The following ABCA12 variants were observed in gnomAD, a reference collection of about 807,000 sequenced individuals.
ABCA12 encodes the protein glucosylceramide transporter ABCA12.
In ABCA12, 156 loss-of-function variants were observed where a neutral mutation model predicts 293.5. The observed-to-expected ratio is 0.53, with a 90% CI of 0.47 to 0.61. The LOEUF (loss-of-function observed/expected upper bound fraction) is 0.61. ABCA12 is among the 20% of genes least tolerant of loss of function. The probability of loss-of-function intolerance (pLI) is 0.00; values close to 1 mark genes in which losing one functional copy is unlikely to be tolerated. For missense variants in ABCA12, 2,797 were observed against 3,090.2 expected (o/e 0.91, Z 2.25); for synonymous variants, 1,063 against 1,108.0 (o/e 0.96, Z 0.81).
At chr2:215,031,332 GCT>G (rs1700872259) in intron 9 of ABCA12, among the ~76,000 whole-genome samples, 1 of 152,156 alleles carries the variant, frequency 6.6e-6, no homozygotes, top group Admixed American at 6.5e-5. Context: ...AAAATTAGAG[GCT>G]GCTATGGTAT....
At chr2:214,979,888 T>C (rs1574958318) in intron 31 of ABCA12, among the ~76,000 whole-genome samples, 1 of 152,214 alleles carries the variant, frequency 6.6e-6, no homozygotes, top group Non-Finnish European at 1.5e-5. Flanking sequence ...ATATACATCT[T>C]GCACAGTATT....
In ABCA12 at chr2:214,932,678, A is replaced by T; in HGVS notation, c.7744T>A (p.Ser2582Thr). Residue 2582 changes from serine to threonine, a missense_variant, in exon 53 of 53, where the codon TCC becomes ACC. Physicochemically the swap from Ser to Thr is moderately conservative, Grantham distance 58 (BLOSUM62 1). Transcript: ENST00000272895. The stretch of plus-strand genomic sequence containing the variant: ...TCTTGTGAGTCAACACTTATAGTGG[A>T]ACCTTGGCTGCTGGTATCAGCAGTT... ...YETADTSSQG[S>T]TISVDSQDDQ... 1 of 1,613,666 alleles carries T rather than the reference A, an allele frequency of 6.2e-7. No individual in the cohort carries two copies. The highest frequency in any genetic ancestry group is 8.5e-7 in the Non-Finnish European group (1 of 1,179,764).
intron 10 of ABCA12, among the ~76,000 whole-genome samples, chr2:215,026,144 A>C: frequency 6.6e-6 from 1 of 152,212 alleles, no homozygotes; most frequent in East Asian, 1.9e-4. Context: ...TCCAACCTTG[A>C]TTAATTCATA....
chr2:214,989,955 A>G (rs529568853), intron 24 of ABCA12, among the ~76,000 whole-genome samples: 404 of 152,350 alleles, frequency 2.7e-3, no homozygotes, highest in Admixed American at 4.7e-3. Context: ...AAATTTACCA[A>G]AAATGTTAAG....
chr2:214,981,314 T>C (rs1053456285), intron 30 of ABCA12, among the ~76,000 whole-genome samples: 12 of 152,292 alleles, frequency 7.9e-5, no homozygotes, highest in African/African-American at 1.4e-4. Context: ...TCTCTTCCCC[T>C]TTCTTCATTA....
At chr2:214,974,928 T>C (rs1574954210) in intron 34 of ABCA12, 64 bp from the exon 35 acceptor site, 2 of 1,405,648 alleles carry the variant, frequency 1.4e-6, no homozygotes, top group Non-Finnish European at 2.0e-6. Context: ...ATTAAAATCA[T>C]GCTTGAAGAA....
chr2:215,111,507 A>G (rs934516106), intron 2 of ABCA12, 90 bp downstream of exon 2: 1 of 1,045,514 alleles, frequency 9.6e-7, no homozygotes, highest in Non-Finnish European at 1.5e-6. Context: ...TACAAAAAAA[A>G]ATTTTTGAAA....
At chr2:214,956,901 T>C (rs1410673054) in intron 41 of ABCA12, 123 bp from the exon 42 acceptor site, 8 of 687,070 alleles carry the variant, frequency 1.2e-5, no homozygotes, top group Non-Finnish European at 1.8e-5. Flanking sequence ...AGAAATGAAT[T>C]CTTATTTATG....
intron 5 of ABCA12, among the ~76,000 whole-genome samples, chr2:215,050,330 C>A (rs1701295561): frequency 7.4e-6 from 1 of 135,678 alleles, no homozygotes; most frequent in Admixed American, 6.9e-5. Context: ...GTTCTTCCAT[C>A]TAAGTCTTAT....
chr2:215,102,052 T>C (rs145990875), intron 2 of ABCA12, among the ~76,000 whole-genome samples: 2 of 152,180 alleles, frequency 1.3e-5, no homozygotes, highest in Non-Finnish European at 2.9e-5. Context: ...TGTGTGCCTA[T>C]GTATGTGTGT....
In ABCA12 at chr2:214,978,423, A is replaced by ATAGCACTATTTT. The variant is rs778612940; in HGVS notation, c.5009_5020dup (p.Lys1670_Ala1673dup). 2 of 1,613,930 alleles carry ATAGCACTATTTT rather than the reference A, an allele frequency of 1.2e-6. No homozygotes were observed. The highest frequency in any genetic ancestry group is 1.7e-6 in the Non-Finnish European group (2 of 1,179,918). On this transcript the variant is annotated inframe_insertion, in exon 33 of 53. Coordinates refer to ENST00000272895, the MANE Select transcript of ABCA12 (RefSeq NM_173076.3). ...CTTTTGTGTTAAGTGCTCAAGACTC[A>ATAGCACTATTTT]TAGCACTATTTTTTTGTGACTCTTT...
intron 23 of ABCA12, among the ~76,000 whole-genome samples, chr2:214,994,512 A>G (rs1699994824): frequency 6.6e-6 from 1 of 152,254 alleles, no homozygotes; most frequent in Non-Finnish European, 1.5e-5. Context: ...TGCCAAGAAA[A>G]GAAATCAGAA....
chr2:214,978,137 T>C (rs1039670507), intron 33 of ABCA12, among the ~76,000 whole-genome samples, 179 bp downstream of exon 33: 1 of 152,216 alleles, frequency 6.6e-6, no homozygotes, highest in Non-Finnish European at 1.5e-5. Flanking sequence ...AAATAGAGAA[T>C]TCGATTTGGT....
intron 6 of ABCA12, among the ~76,000 whole-genome samples, chr2:215,048,955 G>A (rs776919741): frequency 3.3e-5 from 5 of 152,092 alleles, no homozygotes; most frequent in Non-Finnish European, 2.9e-5. Flanking sequence ...TACATGACGA[G>A]AACACGTGGA....
chr2:215,079,545 T>C (rs902937515), intron 2 of ABCA12, among the ~76,000 whole-genome samples: 2 of 152,222 alleles, frequency 1.3e-5, no homozygotes, highest in Non-Finnish European at 1.5e-5. Context: ...CTGCTTAGTA[T>C]GCTTAAAGGA....
At chr2:215,071,815 G>A (rs192196188) in intron 2 of ABCA12, among the ~76,000 whole-genome samples, 12 of 152,262 alleles carry the variant, frequency 7.9e-5, no homozygotes, top group African/African-American at 2.2e-4. Context: ...TTCTCTGCTC[G>A]ACCTGGTCTC....
chr2:214,983,955 A>T, intron 28 of ABCA12, 90 bp from the exon 29 acceptor site: 1 of 1,111,268 alleles, frequency 9.0e-7, no homozygotes, highest in Non-Finnish European at 1.3e-6. Context: ...AGAAGGAAAA[A>T]ATACAGTGTA....
intron 18 of ABCA12, 117 bp from the exon 19 acceptor site, chr2:215,007,963 T>C: frequency 7.5e-7 from 1 of 1,328,852 alleles, no homozygotes; most frequent in Non-Finnish European, 1.0e-6. Context: ...AAACATGAAG[T>C]TAGTACAAAC....
intron 2 of ABCA12, among the ~76,000 whole-genome samples, chr2:215,086,055 G>C (rs1337595136): frequency 6.6e-6 from 1 of 152,180 alleles, no homozygotes; most frequent in African/African-American, 2.4e-5. Context: ...TGTTTGCTCA[G>C]CTAATCAGTC....
Sources: gnomAD v4.1 joint callset for allele counts (sites outside exome capture counted in the v4.1 genomes callset) on GRCh38, gnomAD v4.1.1 for gene constraint, MANE v1.5 for transcripts, NCBI Gene and HGNC (gene_info 2026-07-23, HGNC 2026-07-21) for gene names.